The following PHLDB2 variants were observed in gnomAD, a reference collection of about 807,000 sequenced individuals.
PHLDB2 encodes pleckstrin homology-like domain family B member 2.
Under a neutral mutation model 123.6 loss-of-function variants are expected in PHLDB2, and 71 were observed. The observed-to-expected ratio is 0.57, with a 90% confidence interval of 0.47 to 0.70. The LOEUF is 0.70. PHLDB2 is among the 30% of genes least tolerant of loss of function. The pLI, the probability that PHLDB2 is intolerant of heterozygous loss-of-function variation, is 0.00. For missense variants in PHLDB2, 1,446 were observed against 1,519.5 expected (o/e 0.95, Z 0.80); for synonymous variants, 547 against 541.6 (o/e 1.01, Z -0.14).
At chr3:111,784,581 T>G (rs2060610031) in intron 1 of PHLDB2, among the ~76,000 whole-genome samples, 1 of 152,196 alleles carries the variant, frequency 6.6e-6, no homozygotes, top group Non-Finnish European at 1.5e-5. Flanking sequence ...TGATTGTGTT[T>G]AGTCACTGGG....
At chr3:111,883,998 C>A (rs2066058789) in intron 1 of PHLDB2, 66 bp from the exon 2 acceptor site, 3 of 1,416,436 alleles carry the variant, frequency 2.1e-6, no homozygotes, top group African/African-American at 2.9e-5. Flanking sequence ...CAGATGTAGG[C>A]CTAACAAGGG....
At chr3:111,919,038 G>A in intron 3 of PHLDB2, 34 bp from the exon 4 acceptor site, 3 of 1,607,814 alleles carry the variant, frequency 1.9e-6, no homozygotes, top group South Asian at 1.1e-5. Context: ...GAACTGAGGT[G>A]TGAATAATCC....
intron 1 of PHLDB2, among the ~76,000 whole-genome samples, chr3:111,759,612 C>A (rs1478027207): frequency 6.6e-6 from 1 of 152,144 alleles, no homozygotes; most frequent in Non-Finnish European, 1.5e-5. Flanking sequence ...TTACTCTTTG[C>A]ACCAAATGGT....
chr3:111,931,170 G>A (rs1021548429), intron 5 of PHLDB2, among the ~76,000 whole-genome samples: 7 of 152,150 alleles, frequency 4.6e-5, no homozygotes, highest in African/African-American at 1.7e-4. Context: ...AGGAATATAA[G>A]GAAGGGAAGG....
chr3:111,829,973 GCAA>G (rs980335495), intron 1 of PHLDB2, among the ~76,000 whole-genome samples: 2 of 100,284 alleles, frequency 2.0e-5, no homozygotes, highest in African/African-American at 4.1e-5. Context: ...CACACACACA[GCAA>G]AACCAAGAAT....
chr3:111,934,622 G>C (rs1005162121), intron 6 of PHLDB2, among the ~76,000 whole-genome samples: 2 of 152,166 alleles, frequency 1.3e-5, no homozygotes, highest in African/African-American at 4.8e-5. Context: ...CATGATGTTA[G>C]AGTCTGAATA....
chr3:111,940,231 G>T (rs546893576), intron 7 of PHLDB2, among the ~76,000 whole-genome samples: 2 of 152,062 alleles, frequency 1.3e-5, no homozygotes, highest in Admixed American at 6.6e-5. Context: ...CTCATGAGGC[G>T]TACCCAAGAT....
chr3:111,847,213 T>C (rs1211230222), intron 2 of PHLDB2, among the ~76,000 whole-genome samples: 1 of 152,210 alleles, frequency 6.6e-6, no homozygotes, highest in Non-Finnish European at 1.5e-5. Flanking sequence ...TGAAGAATTC[T>C]AAGCATTGGA....
intron 1 of PHLDB2, among the ~76,000 whole-genome samples, chr3:111,843,435 G>T (rs1235659522): frequency 6.6e-6 from 1 of 152,212 alleles, no homozygotes; most frequent in Non-Finnish European, 1.5e-5. Flanking sequence ...CTGTTGCCCA[G>T]GCTGGAGCAC....
intron 1 of PHLDB2, among the ~76,000 whole-genome samples, chr3:111,735,849 C>A (rs1941669723): frequency 6.6e-6 from 1 of 152,124 alleles, no homozygotes; most frequent in Non-Finnish European, 1.5e-5. Context: ...AGTCACAGAG[C>A]TAGTAAGATG....
In PHLDB2 at chr3:111,932,523, C is replaced by T. The variant is rs974660025; in HGVS notation, c.2130+126C>T. On this transcript the variant is annotated intron_variant, in intron 6 of 17. Transcript: ENST00000431670. ...TTGCATAAGTTCTAGTCATTAGATA[C>T]GTTTAAATGGAAATATGCATGCTAA... 2.0e-5 allele frequency: 19 copies of T among 970,672 alleles called. No individual in the cohort carries two copies. The East Asian group carries it at 3.1e-4, about 16-fold the overall frequency. 60.1% of individuals were successfully genotyped at this position (970,672 alleles called of 1,614,324 possible).
chr3:111,859,066 C>A, upstream of PHLDB2: 1 of 515,032 alleles, frequency 1.9e-6, no homozygotes, highest in Non-Finnish European at 2.5e-6. Flanking sequence ...TTAGCTCAGG[C>A]CGTTCTCCAA....
chr3:111,932,280 G>GC lies in PHLDB2; in HGVS notation c.2014dup (p.Leu672ProfsTer2). 1 of 1,551,264 alleles carries GC rather than the reference G, an allele frequency of 6.4e-7. No homozygotes were observed. Among genetic ancestry groups the GC allele is most frequent in the Non-Finnish European group, 8.7e-7 (1 of 1,146,662 alleles). ...TTTCTGAACTTCAGGAGAAGGTAAA[G>GC]CTTGATGCTGAAAGGGAAAAACTAG... On this transcript the variant is annotated frameshift_variant, in exon 6 of 18. Transcript: ENST00000431670. LOFTEE classifies it high-confidence loss of function.
chr3:111,735,836 C>A (rs547322106), intron 1 of PHLDB2, among the ~76,000 whole-genome samples: 1 of 152,086 alleles, frequency 6.6e-6, no homozygotes, highest in African/African-American at 2.4e-5. Context: ...TGCAACTTGC[C>A]CAAGTCACAG....
intron 1 of PHLDB2, among the ~76,000 whole-genome samples, chr3:111,864,671 A>T (rs2064982751): frequency 6.6e-6 from 1 of 152,244 alleles, no homozygotes; most frequent in African/African-American, 2.4e-5. Flanking sequence ...AAAGAAACAG[A>T]TTAATAAGAT....
intron 1 of PHLDB2, among the ~76,000 whole-genome samples, chr3:111,830,955 GAGAAAGAA>G (rs1174297730): frequency 1.4e-4 from 9 of 63,704 alleles, no homozygotes; most frequent in East Asian, 1.2e-3. Context: ...AAGAAAGAAA[GAGAAAGAA>G]AGAAAGAAAG....
chr3:111,868,579 G>A (rs2065195981), intron 1 of PHLDB2, among the ~76,000 whole-genome samples: 1 of 151,048 alleles, frequency 6.6e-6, no homozygotes, highest in African/African-American at 2.4e-5. Context: ...TGTATTTTCT[G>A]TAATCACAGA....
chr3:111,856,908 C>G (rs1455462210), upstream of PHLDB2, among the ~76,000 whole-genome samples: 1 of 152,104 alleles, frequency 6.6e-6, no homozygotes, highest in African/African-American at 2.4e-5. Flanking sequence ...GTGACTTTGT[C>G]AAAAAGTAAA....
At chr3:111,819,888 T>C (rs1189238020) in intron 1 of PHLDB2, among the ~76,000 whole-genome samples, 2 of 152,232 alleles carry the variant, frequency 1.3e-5, no homozygotes, top group Non-Finnish European at 2.9e-5. Flanking sequence ...ATTACTGAGT[T>C]TGAAACCAAA....
Sources: allele counts gnomAD v4.1 joint callset (sites outside exome capture counted in the v4.1 genomes callset), GRCh38; gene constraint gnomAD v4.1.1; transcripts MANE v1.5; gene names NCBI Gene and HGNC (gene_info 2026-07-23, HGNC 2026-07-21).